Variants in MAF observed in about 807,000 individuals in gnomAD.
MAF encodes MAF bZIP transcription factor.
A neutral mutation model predicts 22.0 loss-of-function variants in MAF; 10 were observed. That is an observed-to-expected ratio of 0.45 (90% confidence interval 0.28 to 0.77). MAF has a LOEUF of 0.77. Ranked by LOEUF, MAF falls within the 30% of genes least tolerant of loss-of-function variation. MAF has a pLI of 0.12. For missense variants in MAF, 544 were observed against 548.4 expected (o/e 0.99, Z 0.08); for synonymous variants, 337 against 255.8 (o/e 1.32, Z -3.03).
the MAF span, among the ~76,000 whole-genome samples, chr16:79,233,849 G>A: frequency 2.8e-4 from 43 of 151,882 alleles, 1 homozygote; most frequent in African/African-American, 6.5e-4. Flanking sequence ...AAAATTAGCC[G>A]GGTGTGGTGG....
the MAF span, among the ~76,000 whole-genome samples, chr16:79,554,453 G>T: frequency 6.6e-6 from 1 of 152,172 alleles, no homozygotes; most frequent in Non-Finnish European, 1.5e-5. Context: ...GAATTTGAAA[G>T]CCATAGGAAA....
the MAF span, among the ~76,000 whole-genome samples, chr16:79,249,517 C>T: frequency 6.6e-6 from 1 of 152,002 alleles, no homozygotes; most frequent in South Asian, 2.1e-4. Flanking sequence ...AGGCCCTCAC[C>T]AGACACCAAA....
the MAF span, among the ~76,000 whole-genome samples, chr16:79,436,439 T>C: frequency 6.6e-6 from 1 of 152,238 alleles, no homozygotes; most frequent in African/African-American, 2.4e-5. Flanking sequence ...AAACACCTAC[T>C]GTGCATCAGA....
chr16:79,598,611 G>GA, intron 1 of MAF, 174 bp downstream of exon 1: 2 of 1,068,344 alleles, frequency 1.9e-6, no homozygotes, highest in Non-Finnish European at 2.6e-6. Context: ...TGTGTGTGTG[G>GA]TGTGTGCGTG....
chr16:79,235,799 C>G, the MAF span, among the ~76,000 whole-genome samples: 1 of 152,000 alleles, frequency 6.6e-6, no homozygotes, highest in Non-Finnish European at 1.5e-5. Context: ...CACAGGCACA[C>G]CACTAGCATT....
the MAF span, among the ~76,000 whole-genome samples, chr16:79,547,123 G>A: frequency 1.3e-5 from 2 of 152,204 alleles, no homozygotes; most frequent in South Asian, 4.2e-4. Context: ...GGGAGGCAAT[G>A]AGACAGACGG....
chr16:79,259,285 G>GT, the MAF span, among the ~76,000 whole-genome samples: 1 of 152,066 alleles, frequency 6.6e-6, no homozygotes, highest in Non-Finnish European at 1.5e-5. Flanking sequence ...TGCAGATGCT[G>GT]TTCCCCATGC....
At chr16:79,364,778 C>T in the MAF span, among the ~76,000 whole-genome samples, 16 of 152,148 alleles carry the variant, frequency 1.1e-4, no homozygotes, top group Admixed American at 2.6e-4. Flanking sequence ...GGGATCTTCC[C>T]GTGTTAGACC....
the MAF span, among the ~76,000 whole-genome samples, chr16:79,506,146 G>C: frequency 6.6e-6 from 1 of 152,176 alleles, no homozygotes. Flanking sequence ...ATTTCTTGGA[G>C]TTGGATTAAT....
the MAF span, among the ~76,000 whole-genome samples, chr16:79,365,582 T>C: frequency 3.8e-5 from 1 of 26,174 alleles, no homozygotes; most frequent in Non-Finnish European, 5.5e-5. Context: ...TTTGTGTTTG[T>C]TTTTTTTTTC....
the MAF span, among the ~76,000 whole-genome samples, chr16:79,326,914 C>T: frequency 6.6e-6 from 1 of 152,140 alleles, no homozygotes; most frequent in Non-Finnish European, 1.5e-5. Context: ...AAAAGAGAAA[C>T]GCAGATGAAG....
the MAF span, among the ~76,000 whole-genome samples, chr16:79,307,236 G>A: frequency 6.6e-6 from 1 of 152,206 alleles, no homozygotes; most frequent in Non-Finnish European, 1.5e-5. Context: ...CTGACCACAG[G>A]GCCTGCCTAT....
chr16:79,407,205 T>G, the MAF span, among the ~76,000 whole-genome samples: 1 of 152,210 alleles, frequency 6.6e-6, no homozygotes, highest in African/African-American at 2.4e-5. Context: ...ACGGGTTTTA[T>G]TAACCTCGGT....
the MAF span, among the ~76,000 whole-genome samples, chr16:79,464,831 C>T: frequency 7.7e-4 from 117 of 152,224 alleles, no homozygotes; most frequent in African/African-American, 2.7e-3. Context: ...GCGAATATGA[C>T]AAGAAAGTAA....
At chr16:79,468,262 C>T in the MAF span, among the ~76,000 whole-genome samples, 5 of 151,996 alleles carry the variant, frequency 3.3e-5, no homozygotes, top group African/African-American at 9.7e-5. Flanking sequence ...GCAGCCCAGG[C>T]GTCCAAGAAG....
chr16:79,305,260 G>A, the MAF span, among the ~76,000 whole-genome samples: 5 of 152,168 alleles, frequency 3.3e-5, no homozygotes, highest in Non-Finnish European at 7.3e-5. Context: ...CACCAGAACC[G>A]GGCGGCCAAG....
chr16:79,258,113 G>A, the MAF span, among the ~76,000 whole-genome samples: 2 of 152,196 alleles, frequency 1.3e-5, no homozygotes, highest in Non-Finnish European at 2.9e-5. Flanking sequence ...TGTGCTGCCT[G>A]TAAGCCGCAG....
At chr16:79,513,250 G>A in the MAF span, among the ~76,000 whole-genome samples, 1 of 152,234 alleles carries the variant, frequency 6.6e-6, no homozygotes, top group Non-Finnish European at 1.5e-5. Context: ...GCAGCCTGTC[G>A]CAGTAGACGG....
Position 79,593,864 on chromosome 16 carries a change from C to T in MAF, c.*596G>A, listed in dbSNP as rs913752646. ...GTATTTAACTAACTTTGTATTTTGC[C>T]ACACATTGTTTTCATTTACAGCTAT... On this transcript the variant is annotated 3_prime_UTR_variant, in exon 2 of 2. Coordinates refer to ENST00000326043, the MANE Select transcript of MAF (RefSeq NM_005360.5). 2.2e-5 allele frequency: 4 copies of T among 185,278 alleles called. No individual in the cohort carries two copies. The highest frequency in any genetic ancestry group is 2.3e-5 in the African/African-American group (1 of 42,592). The allele number at this position is 185,278 out of a possible 1,614,324, so 11.5% of individuals were successfully genotyped here. A position where few individuals can be genotyped will look rare whatever the true frequency, so the allele number is the denominator to read the frequency against.
Sources: gnomAD v4.1 joint callset for allele counts (sites outside exome capture counted in the v4.1 genomes callset) on GRCh38, gnomAD v4.1.1 for gene constraint, MANE v1.5 for transcripts, NCBI Gene and HGNC (gene_info 2026-07-23, HGNC 2026-07-21) for gene names.